Variants in CSMD1 observed in about 807,000 individuals in gnomAD.
CSMD1 encodes the protein CUB and sushi domain-containing protein 1.
CSMD1 carries 213 observed loss-of-function variants against 417.5 expected under a neutral mutation model. The observed-to-expected ratio is 0.51, with a 90% CI of 0.46 to 0.57. The LOEUF is 0.57. Among genes scored for constraint, CSMD1 ranks in the 20% least tolerant of loss-of-function variants. CSMD1 has a pLI of 0.00. For synonymous variants in CSMD1, 2,862 were observed against 1,736.8 expected (o/e 1.65, Z -16.11); for missense variants, 6,923 against 4,529.7 (o/e 1.53, Z -15.17).
At chr8:4,237,501 C>G (rs749158918) in intron 3 of CSMD1, among the ~76,000 whole-genome samples, 16 of 151,402 alleles carry the variant, frequency 1.1e-4, no homozygotes, top group Non-Finnish European at 2.2e-4. Flanking sequence ...GGTCTTCACT[C>G]TTGAACATGA....
At chr8:3,474,906 G>C (rs1000727790) in intron 11 of CSMD1, among the ~76,000 whole-genome samples, 1 of 152,076 alleles carries the variant, frequency 6.6e-6, no homozygotes, top group African/African-American at 2.4e-5. Flanking sequence ...TTTTGATAGA[G>C]GAAAATATAA....
intron 2 of CSMD1, among the ~76,000 whole-genome samples, chr8:4,512,441 T>C (rs957838551): frequency 2.6e-5 from 4 of 151,958 alleles, no homozygotes; most frequent in African/African-American, 9.7e-5. Context: ...ATAAAGCAAG[T>C]AGAGAAAATA....
intron 2 of CSMD1, among the ~76,000 whole-genome samples, chr8:4,628,082 T>C (rs1300959305): frequency 1.3e-5 from 2 of 150,618 alleles, no homozygotes; most frequent in Non-Finnish European, 3.0e-5. Flanking sequence ...AGCATATACA[T>C]ACACATATAT....
chr8:3,592,838 G>A (rs768937913), intron 8 of CSMD1, among the ~76,000 whole-genome samples: 1 of 152,162 alleles, frequency 6.6e-6, no homozygotes, highest in Non-Finnish European at 1.5e-5. Context: ...TGTACATCAT[G>A]AAATAGGTGT....
At position 3,824,166 on chromosome 8, in the gene CSMD1, A is replaced by G. The variant is rs1052665487; in HGVS notation, c.819-70124T>C. On this transcript the variant is annotated intron_variant, in intron 5 of 69. Coordinates refer to ENST00000635120, the MANE Select transcript of CSMD1 (RefSeq NM_033225.6). ...AGCCGAGTCAAACATTCCAATGGAA[A>G]TATCTATAGCTTTGGAGATGATGAC... is the stretch of plus-strand genomic sequence containing the variant. Among the ~76,000 whole-genome samples the G allele has an allele frequency of 2.0e-5, 3 of 152,152 alleles. 1 individual carries two copies. The highest frequency in any genetic ancestry group is 4.4e-5 in the Non-Finnish European group (3 of 68,028).
chr8:4,206,803 T>C (rs982387186), intron 3 of CSMD1, among the ~76,000 whole-genome samples: 6 of 152,206 alleles, frequency 3.9e-5, no homozygotes, highest in African/African-American at 9.6e-5. Flanking sequence ...ATAAAGATTG[T>C]TCTAATATTT....
chr8:4,804,671 T>A (rs899870117), intron 1 of CSMD1, among the ~76,000 whole-genome samples: 3 of 152,174 alleles, frequency 2.0e-5, no homozygotes, highest in Non-Finnish European at 4.4e-5. Flanking sequence ...TGACTTTTAG[T>A]GATCAAAATA....
chr8:3,083,506 T>G (rs568334979), intron 49 of CSMD1, among the ~76,000 whole-genome samples: 1 of 147,984 alleles, frequency 6.8e-6, no homozygotes, highest in East Asian at 2.0e-4. Flanking sequence ...AGGGTCCTAT[T>G]TGCACATCAG....
intron 1 of CSMD1, among the ~76,000 whole-genome samples, chr8:4,823,304 A>G (rs1044371377): frequency 7.2e-5 from 11 of 152,032 alleles, no homozygotes; most frequent in Admixed American, 3.3e-4. Flanking sequence ...TATTTTTTCC[A>G]GATTTTAGTT....
intron 23 of CSMD1, among the ~76,000 whole-genome samples, chr8:3,324,499 T>C (rs7012898): frequency 0.1 from 9,529 of 92,360 alleles, 405 homozygotes; most frequent in East Asian, 0.3. Flanking sequence ...TAGACACACA[T>C]TCAACCCCCA....
intron 4 of CSMD1, among the ~76,000 whole-genome samples, chr8:4,009,494 T>C (rs2740957): frequency 0.36 from 55,478 of 152,058 alleles, 10,202 homozygotes; most frequent in Non-Finnish European, 0.39. Context: ...ATCAAATGTG[T>C]TTACCAAGCA....
intron 5 of CSMD1, among the ~76,000 whole-genome samples, chr8:3,918,201 G>T (rs777869898): frequency 2.0e-5 from 3 of 151,974 alleles, no homozygotes; most frequent in Non-Finnish European, 4.4e-5. Context: ...TATTCCTTTG[G>T]ATAATTACCT....
At chr8:4,036,278 G>A (rs574744731) in intron 3 of CSMD1, among the ~76,000 whole-genome samples, 3 of 152,282 alleles carry the variant, frequency 2.0e-5, no homozygotes, top group East Asian at 3.9e-4. Context: ...ATCTCAAGAT[G>A]CTGTTGTTAT....
chr8:3,602,837 G>T (rs907624103), intron 8 of CSMD1, among the ~76,000 whole-genome samples: 1 of 151,830 alleles, frequency 6.6e-6, no homozygotes, highest in Non-Finnish European at 1.5e-5. Context: ...GACAAACTGG[G>T]CTTTTGTTGA....
chr8:3,394,012 TTATATATATATATA>T lies in CSMD1; in HGVS notation c.2593+2168_2593+2181del, dbSNP rs1175905929. On this transcript the variant is annotated intron_variant, in intron 17 of 69. Transcript: ENST00000635120. ...ATAATAATAATAATAAAAAAATAAA[TTATATATATATATA>T]TATATATATATATATATATATATAT... Among the ~76,000 whole-genome samples the T allele has an allele frequency of 6.0e-3, 190 of 31,622 alleles. 3 individuals carry two copies. The highest frequency in any genetic ancestry group is 0.02 in the African/African-American group (168 of 8,276). 20.7% of individuals were successfully genotyped at this position (31,622 alleles called of 152,430 possible). A position where few individuals can be genotyped will look rare whatever the true frequency, so the allele number is the denominator to read the frequency against.
chr8:3,429,463 C>T (rs193207551), intron 12 of CSMD1, among the ~76,000 whole-genome samples: 1 of 152,142 alleles, frequency 6.6e-6, no homozygotes, highest in African/African-American at 2.4e-5. Context: ...AACACTTGTA[C>T]ACAGATGTTC....
intron 46 of CSMD1, among the ~76,000 whole-genome samples, chr8:3,101,401 C>T (rs1279087112): frequency 6.6e-6 from 1 of 152,194 alleles, no homozygotes; most frequent in Non-Finnish European, 1.5e-5. Context: ...GAGTGTCTAG[C>T]ACAGTAATAT....
At chr8:4,717,119 A>G (rs985994021) in intron 1 of CSMD1, among the ~76,000 whole-genome samples, 3 of 151,848 alleles carry the variant, frequency 2.0e-5, no homozygotes, top group African/African-American at 7.3e-5. Flanking sequence ...TTTTCTAATC[A>G]TGAGAAAATA....
intron 7 of CSMD1, among the ~76,000 whole-genome samples, chr8:3,703,857 G>A (rs535734729): frequency 6.6e-6 from 1 of 152,112 alleles, no homozygotes; most frequent in African/African-American, 2.4e-5. Context: ...GATCACCTGA[G>A]GTCAGGAGTT....
Sources: gnomAD v4.1 joint callset for allele counts (sites outside exome capture counted in the v4.1 genomes callset) on GRCh38, gnomAD v4.1.1 for gene constraint, MANE v1.5 for transcripts, NCBI Gene and HGNC (gene_info 2026-07-23, HGNC 2026-07-21) for gene names.